The following GNG7 variants were observed in gnomAD, a reference collection of about 807,000 sequenced individuals.
GNG7 encodes guanine nucleotide-binding protein G(I)/G(S)/G(O) subunit gamma-7.
A neutral mutation model predicts 4.0 loss-of-function variants in GNG7; 1 was observed. That is an observed-to-expected ratio of 0.25 (90% CI 0.09 to 1.18). GNG7 has a LOEUF of 1.18. Ranked by LOEUF, GNG7 falls within the 50% of genes most tolerant of loss-of-function variation. The pLI is 0.50. For missense variants in GNG7, 86 were observed against 91.9 expected (o/e 0.94, Z 0.26); for synonymous variants, 34 against 36.9 (o/e 0.92, Z 0.29).
intron 2 of GNG7, among the ~76,000 whole-genome samples, chr19:2,571,250 G>A (rs750658996): frequency 1.6e-4 from 25 of 152,146 alleles, no homozygotes; most frequent in Non-Finnish European, 3.1e-4. Flanking sequence ...GATAACAGAG[G>A]GTCCCTGGTC....
chr19:2,681,486 C>G (rs751500369), intron 1 of GNG7, among the ~76,000 whole-genome samples: 9 of 151,878 alleles, frequency 5.9e-5, no homozygotes, highest in Non-Finnish European at 1.3e-4. Flanking sequence ...CCCAGCCGGT[C>G]TCCAACTCTT....
chr19:2,592,922 AGAGG>A (rs1160230036), intron 2 of GNG7, among the ~76,000 whole-genome samples: 1 of 131,758 alleles, frequency 7.6e-6, no homozygotes, highest in East Asian at 2.5e-4. Context: ...GGAAGGAAGG[AGAGG>A]GAGGGAAGGA....
At chr19:2,526,397 G>A (rs189551918) in intron 3 of GNG7, among the ~76,000 whole-genome samples, 65 of 150,826 alleles carry the variant, frequency 4.3e-4, no homozygotes, top group Admixed American at 2.7e-3. Flanking sequence ...GAGCCACCGC[G>A]CCTGGTCTAC....
chr19:2,686,991 A>T (rs1983888864), intron 1 of GNG7, among the ~76,000 whole-genome samples: 1 of 150,648 alleles, frequency 6.6e-6, no homozygotes, highest in African/African-American at 2.4e-5. Context: ...TGACCTCGTG[A>T]TCCGCCCGCC....
chr19:2,579,991 G>C (rs1022792327), intron 2 of GNG7, among the ~76,000 whole-genome samples: 4 of 152,098 alleles, frequency 2.6e-5, no homozygotes, highest in Admixed American at 2.0e-4. Context: ...CTCAGCTTGT[G>C]TCCTCCTCGG....
chr19:2,560,986 A>C (rs886886312), intron 2 of GNG7, among the ~76,000 whole-genome samples: 7 of 151,632 alleles, frequency 4.6e-5, no homozygotes, highest in African/African-American at 1.7e-4. Context: ...ATTTGGGAAA[A>C]CAGTTGAATG....
At chr19:2,574,299 A>G (rs939711686) in intron 2 of GNG7, among the ~76,000 whole-genome samples, 4 of 151,876 alleles carry the variant, frequency 2.6e-5, no homozygotes, top group African/African-American at 9.7e-5. Context: ...TCTCACTACA[A>G]TGTTGTGCCG....
At chr19:2,679,463 T>A (rs1983676264) in intron 1 of GNG7, among the ~76,000 whole-genome samples, 1 of 152,084 alleles carries the variant, frequency 6.6e-6, no homozygotes, top group African/African-American at 2.4e-5. Flanking sequence ...TCCATCCCAA[T>A]CTTTTCAATG....
chr19:2,584,621 G>GA (rs1568252739), intron 2 of GNG7, among the ~76,000 whole-genome samples: 7 of 107,770 alleles, frequency 6.5e-5, no homozygotes, highest in African/African-American at 7.3e-5. Context: ...GGGAAGGAAG[G>GA]AGGAAGGAAG....
chr19:2,680,934 T>C (rs1028233771), intron 1 of GNG7, among the ~76,000 whole-genome samples: 47 of 152,092 alleles, frequency 3.1e-4, no homozygotes, highest in African/African-American at 1.1e-3. Flanking sequence ...TACCTCCCCG[T>C]GAGCCCTTGT....
chr19:2,564,978 A>G (rs1422542435), intron 2 of GNG7, among the ~76,000 whole-genome samples: 1 of 151,232 alleles, frequency 6.6e-6, no homozygotes, highest in Non-Finnish European at 1.5e-5. Context: ...ACCACTTGAG[A>G]CTAGGAGGTT....
intron 2 of GNG7, among the ~76,000 whole-genome samples, chr19:2,566,961 C>T (rs970162837): frequency 4.6e-5 from 7 of 151,804 alleles, no homozygotes; most frequent in African/African-American, 1.7e-4. Flanking sequence ...AAAAATTAGC[C>T]GGGCGCGGTG....
At position 2,512,460 on chromosome 19, in the gene GNG7, G is replaced by C. The variant is rs1015300957; in HGVS notation, c.*2562C>G. ...GGGGTCCGGGAGATGGTGGGGTCTG[G>C]ACAGCTCAGGGAACCCAAGGCCCTG... On this transcript the variant is annotated 3_prime_UTR_variant, in exon 5 of 5. Coordinates refer to ENST00000382159, the MANE Select transcript of GNG7 (RefSeq NM_052847.3). This position sits in a 1 kb window ranked among gnomAD's most constrained non-coding sequence, Gnocchi z 4.7. 1 of 734,926 alleles carries C rather than the reference G, an allele frequency of 1.4e-6. No individual in the cohort carries two copies. The highest frequency in any genetic ancestry group is 6.3e-5 in the Admixed American group (1 of 15,952). 45.5% of individuals were successfully genotyped at this position (734,926 alleles called of 1,614,324 possible).
At chr19:2,540,057 C>T (rs1200780609) in intron 3 of GNG7, among the ~76,000 whole-genome samples, 2 of 102,260 alleles carry the variant, frequency 2.0e-5, no homozygotes, top group African/African-American at 7.7e-5. Flanking sequence ...TCCCTCCCTT[C>T]CTTCCCTCCT....
chr19:2,584,749 AC>A (rs1488093559), intron 2 of GNG7, among the ~76,000 whole-genome samples: 4 of 44,326 alleles, frequency 9.0e-5, no homozygotes, highest in African/African-American at 2.8e-4. Context: ...GGAGGGAGGG[AC>A]GGATGGAGGG....
At chr19:2,657,816 G>A (rs1247981318) in intron 1 of GNG7, among the ~76,000 whole-genome samples, 2 of 152,160 alleles carry the variant, frequency 1.3e-5, no homozygotes, top group African/African-American at 4.8e-5. Flanking sequence ...CGAGCTGCCT[G>A]GCTCTGCCTT....
At chr19:2,581,361 G>A (rs1392137680) in intron 2 of GNG7, among the ~76,000 whole-genome samples, 2 of 151,438 alleles carry the variant, frequency 1.3e-5, no homozygotes, top group East Asian at 3.9e-4. Context: ...GTGTCTCTCG[G>A]GTGGCCTGGA....
intron 2 of GNG7, among the ~76,000 whole-genome samples, chr19:2,555,900 G>A (rs1180570960): frequency 1.3e-5 from 2 of 151,630 alleles, no homozygotes; most frequent in African/African-American, 4.9e-5. Flanking sequence ...CACAGTGCAC[G>A]GATCGCGAGG....
At position 2,544,538 on chromosome 19, in the gene GNG7, C is replaced by T. The variant is rs148331124; in HGVS notation, c.-38+10611G>A. On this transcript the variant is annotated intron_variant, in intron 3 of 4. Coordinates refer to ENST00000382159, the MANE Select transcript of GNG7 (RefSeq NM_052847.3). ...TAGCTGGGGTTATAGGCGCCCCCCA[C>T]CCCCACCACGCCCAGCTAATTTTTG... Among the ~76,000 whole-genome samples, 765 of 152,282 alleles carry T rather than the reference C, an allele frequency of 5.0e-3. 6 individuals carry two copies. Among genetic ancestry groups the T allele is most frequent in the African/African-American group, 0.017 (720 of 41,548 alleles).
Sources: allele counts gnomAD v4.1 joint callset (sites outside exome capture counted in the v4.1 genomes callset), GRCh38; gene constraint gnomAD v4.1.1; non-coding constraint Gnocchi (gnomAD v3.1); transcripts MANE v1.5; gene names NCBI Gene and HGNC (gene_info 2026-07-23, HGNC 2026-07-21).